Variants in CEP89 observed in about 807,000 individuals in gnomAD.
CEP89 encodes the protein centrosomal protein 89.
Under a neutral mutation model 97.6 loss-of-function variants are expected in CEP89, and 95 were observed. The observed-to-expected ratio is 0.97, with a 90% CI of 0.82 to 1.15. The LOEUF (loss-of-function observed/expected upper bound fraction) is 1.15, where lower values mean the gene tolerates loss of function less well. Among genes scored for constraint, CEP89 ranks in the 50% most tolerant of loss-of-function variants. The pLI is 0.00. For synonymous variants in CEP89, 354 were observed against 349.1 expected (o/e 1.01, Z -0.16); for missense variants, 869 against 947.7 (o/e 0.92, Z 1.09).
intron 11 of CEP89, among the ~76,000 whole-genome samples, chr19:32,925,687 C>T (rs988471576): frequency 2.0e-5 from 3 of 151,988 alleles, no homozygotes; most frequent in African/African-American, 7.3e-5. Flanking sequence ...GGGGTTTCAC[C>T]ATGTTGACCA....
chr19:32,971,330 G>T (rs1365718078), intron 1 of CEP89: 2 of 417,592 alleles, frequency 4.8e-6, no homozygotes, highest in Non-Finnish European at 8.5e-6. Context: ...GCACGGGGAC[G>T]AATGCTACAG....
chr19:32,935,338 T>C (rs1970557578), intron 7 of CEP89, among the ~76,000 whole-genome samples: 1 of 151,952 alleles, frequency 6.6e-6, no homozygotes, highest in Admixed American at 6.6e-5. Context: ...CCAAGAGGTA[T>C]CAAACAGCAG....
intron 17 of CEP89, among the ~76,000 whole-genome samples, chr19:32,883,982 T>G (rs899410816): frequency 5.9e-5 from 9 of 152,204 alleles, no homozygotes; most frequent in Non-Finnish European, 1.3e-4. Flanking sequence ...TTACTATAGA[T>G]GATGATGTAG....
chr19:32,969,531 A>G (rs11084685), intron 1 of CEP89: 41,299 of 152,226 alleles, frequency 0.27, 5,734 homozygotes, highest in East Asian at 0.4. Context: ...CAGTTGCTGG[A>G]GTGGAGAGAG....
At chr19:32,904,779 A>T (rs1969855444) in intron 14 of CEP89, among the ~76,000 whole-genome samples, 1 of 151,856 alleles carries the variant, frequency 6.6e-6, no homozygotes, top group Admixed American at 6.6e-5. Flanking sequence ...TTTAGTAGAG[A>T]TGGGGTTTCA....
chr19:32,915,074 A>G (rs1970093314), intron 14 of CEP89, among the ~76,000 whole-genome samples: 1 of 151,878 alleles, frequency 6.6e-6, no homozygotes. Context: ...TATGCTGTGC[A>G]TGACCATAGG....
chr19:32,879,820 G>A (rs945714549), intron 18 of CEP89, among the ~76,000 whole-genome samples: 2 of 152,220 alleles, frequency 1.3e-5, no homozygotes, highest in African/African-American at 4.8e-5. Context: ...AGCCCCTCCT[G>A]TGTCCCGTCT....
intron 12 of CEP89, among the ~76,000 whole-genome samples, chr19:32,920,233 T>G (rs10418164): frequency 0.63 from 96,086 of 151,824 alleles, 30,897 homozygotes; most frequent in African/African-American, 0.73. Flanking sequence ...TTGTTTTTGT[T>G]TTTTTGAGAC....
intron 4 of CEP89, among the ~76,000 whole-genome samples, chr19:32,953,135 G>A (rs1178663298): frequency 6.6e-6 from 1 of 151,276 alleles, no homozygotes; most frequent in Admixed American, 6.6e-5. Flanking sequence ...ACAGGGCAAT[G>A]AAGGGAATTC....
At chr19:32,940,725 C>T (rs778480030) in intron 5 of CEP89, among the ~76,000 whole-genome samples, 3 of 151,940 alleles carry the variant, frequency 2.0e-5, no homozygotes, top group Non-Finnish European at 4.4e-5. Flanking sequence ...CCCAGTTTGC[C>T]TGTACACATT....
At position 32,913,027 on chromosome 19, in the gene CEP89, T is replaced by C. The variant is rs1277505330; in HGVS notation, c.1565+2310A>G. Among the ~76,000 whole-genome samples the C allele has an allele frequency of 2.0e-5, 3 of 149,974 alleles. No homozygotes were observed. The East Asian group carries it at 5.9e-4, about 29-fold the overall frequency. Reference sequence around the variant, plus strand: ...TACTGCACTCCAGCCTGGGCGACAGTGAGACTCCGTCTCAAAAAAAATTAA... The same window carrying C: ...TACTGCACTCCAGCCTGGGCGACAGCGAGACTCCGTCTCAAAAAAAATTAA... On this transcript the variant is annotated intron_variant, in intron 14 of 18. Coordinates refer to ENST00000305768, the MANE Select transcript of CEP89 (RefSeq NM_032816.5).
At chr19:32,883,653 C>T (rs773072877) in intron 17 of CEP89, among the ~76,000 whole-genome samples, 57 of 152,176 alleles carry the variant, frequency 3.7e-4, no homozygotes, top group Admixed American at 1.1e-3. Context: ...CCAACCTGGG[C>T]GACAAAGTGA....
intron 3 of CEP89, among the ~76,000 whole-genome samples, chr19:32,955,862 T>A (rs572236967): frequency 1.3e-5 from 2 of 152,124 alleles, no homozygotes; most frequent in African/African-American, 2.4e-5. Context: ...TGTGTCTACA[T>A]ACATACTGCA....
rs775957624 is a variant in CEP89 at position 32,899,843 on chromosome 19, T to C, written c.1875+14A>G. The C allele has an allele frequency of 4.4e-6, 7 of 1,605,782 alleles. No individual in the cohort carries two copies. In the South Asian group the frequency reaches 6.7e-5, roughly 15 times the overall value. Reference sequence around the variant, plus strand: ...AACTCGCAGTTTACTTGATGTAACCTTCAGGAAACTTACCAAACACATAAG... The same window carrying C: ...AACTCGCAGTTTACTTGATGTAACCCTCAGGAAACTTACCAAACACATAAG... On this transcript the variant is annotated intron_variant, in intron 16 of 18. Coordinates refer to ENST00000305768, the MANE Select transcript of CEP89 (RefSeq NM_032816.5).
intron 9 of CEP89, 129 bp from the exon 10 acceptor site, chr19:32,927,113 C>CACCCACCTACCCACCT: frequency 1.4e-6 from 1 of 732,340 alleles, no homozygotes; most frequent in Non-Finnish European, 2.3e-6. Context: ...TCTGCCTACC[C>CACCCACCTACCCACCT]ACCCACCTAC....
chr19:32,892,545 A>G (rs1969552561), intron 16 of CEP89, among the ~76,000 whole-genome samples: 1 of 151,872 alleles, frequency 6.6e-6, no homozygotes, highest in South Asian at 2.1e-4. Flanking sequence ...ACCTCAGATG[A>G]TCTGCCTGCC....
At chr19:32,930,820 G>A (rs1970457488) in intron 9 of CEP89, among the ~76,000 whole-genome samples, 2 of 152,294 alleles carry the variant, frequency 1.3e-5, no homozygotes, top group Admixed American at 6.5e-5. Flanking sequence ...GACAACAGCT[G>A]CAACTTTCAG....
rs755484266 is a variant in CEP89 at position 32,918,257 on chromosome 19, CTTT to C, written c.1348_1350del (p.Lys450del). ...AGGCGCTCCTGGTGGCTGTCCTTGG[CTTT>C]CCTTTGCTGAATCTCCAACTGCTCC... On this transcript the variant is annotated inframe_deletion, in exon 13 of 19. Transcript: ENST00000305768. 1 of 1,614,196 alleles carries C rather than the reference CTTT, an allele frequency of 6.2e-7. No homozygotes were observed. Among genetic ancestry groups the C allele is most frequent in the South Asian group, 1.1e-5 (1 of 91,090 alleles).
At chr19:32,926,109 C>G (rs1970351997) in intron 11 of CEP89, 81 bp downstream of exon 11, 3 of 988,742 alleles carry the variant, frequency 3.0e-6, no homozygotes, top group Middle Eastern at 2.1e-4. Flanking sequence ...GGTATACCTA[C>G]ATTCAAAATG....
Sources: gnomAD v4.1 joint callset for allele counts (sites outside exome capture counted in the v4.1 genomes callset) on GRCh38, gnomAD v4.1.1 for gene constraint, MANE v1.5 for transcripts, NCBI Gene and HGNC (gene_info 2026-07-23, HGNC 2026-07-21) for gene names.